Variants in BMPR1B observed in about 807,000 individuals in gnomAD.
The protein encoded by BMPR1B is bone morphogenetic protein receptor type 1B, also known as bone morphogenetic protein receptor type-1B.
In BMPR1B, 12 loss-of-function variants were observed where a neutral mutation model predicts 59.1. The observed-to-expected ratio is 0.20, with a 90% confidence interval of 0.13 to 0.33. The LOEUF (loss-of-function observed/expected upper bound fraction) is 0.33. BMPR1B is among the 10% of genes least tolerant of loss of function. The probability of loss-of-function intolerance (pLI) is 1.00; values close to 1 mark genes in which losing one functional copy is unlikely to be tolerated. For synonymous variants in BMPR1B, 237 were observed against 207.3 expected, an observed-to-expected ratio of 1.14 and a Z score of -1.23; for missense variants, 550 against 610.9, an observed-to-expected ratio of 0.90 and a Z score of 1.05.
chr4:94,853,478 T>C (rs1016471419), intron 1 of BMPR1B, among the ~76,000 whole-genome samples: 38 of 152,296 alleles, frequency 2.5e-4, no homozygotes, highest in Non-Finnish European at 1.0e-4. Flanking sequence ...ATTCTCTCCA[T>C]GAGGATAATA....
intron 3 of BMPR1B, among the ~76,000 whole-genome samples, chr4:95,071,446 T>G (rs1728265993): frequency 6.6e-6 from 1 of 151,914 alleles, no homozygotes; most frequent in Non-Finnish European, 1.5e-5. Context: ...GGATGAAATC[T>G]TTGACTTATT....
At chr4:95,151,416 G>A (rs1368490846) in intron 11 of BMPR1B, among the ~76,000 whole-genome samples, 2 of 152,184 alleles carry the variant, frequency 1.3e-5, no homozygotes, top group African/African-American at 4.8e-5. Context: ...TCCTGAGAAT[G>A]AGAAAGGGAG....
chr4:95,104,684 C>T (rs1045765948), intron 4 of BMPR1B, 117 bp downstream of exon 4: 42 of 1,277,104 alleles, frequency 3.3e-5, no homozygotes, highest in Admixed American at 3.2e-4. Context: ...CTAACACTAT[C>T]GTAAACTCTT....
intron 3 of BMPR1B, among the ~76,000 whole-genome samples, chr4:95,019,773 T>G (rs934734636): frequency 2.0e-5 from 3 of 152,100 alleles, no homozygotes; most frequent in African/African-American, 7.2e-5. Context: ...TAGGGCCAAT[T>G]TATAAGACTT....
At chr4:95,053,682 A>C (rs959383535) in intron 3 of BMPR1B, among the ~76,000 whole-genome samples, 1 of 152,168 alleles carries the variant, frequency 6.6e-6, no homozygotes, top group Non-Finnish European at 1.5e-5. Context: ...TGAACATCCA[A>C]CAGGTCATCT....
intron 3 of BMPR1B, among the ~76,000 whole-genome samples, chr4:95,045,665 G>T (rs1215079844): frequency 6.6e-6 from 1 of 152,088 alleles, no homozygotes; most frequent in Non-Finnish European, 1.5e-5. Context: ...CCCTCAGGCA[G>T]AATTAATCTT....
intron 1 of BMPR1B, among the ~76,000 whole-genome samples, chr4:94,849,828 T>A (rs10017163): frequency 0.41 from 61,735 of 150,712 alleles, 13,320 homozygotes; most frequent in African/African-American, 0.56. Flanking sequence ...GTGTTTTAGT[T>A]TCTGTGGGAA....
chr4:94,779,957 C>G (rs1397164497), intron 1 of BMPR1B, among the ~76,000 whole-genome samples: 1 of 151,814 alleles, frequency 6.6e-6, no homozygotes, highest in East Asian at 1.9e-4. Context: ...CGTAAAAGTT[C>G]CCCCCCTTCC....
At chr4:95,104,608 G>A in intron 4 of BMPR1B, 41 bp downstream of exon 4, 1 of 1,610,180 alleles carries the variant, frequency 6.2e-7, no homozygotes, top group Non-Finnish European at 8.5e-7. Context: ...TTAACAAAAA[G>A]TCACACTTTT....
At chr4:94,785,097 G>A (rs573135833) in intron 1 of BMPR1B, among the ~76,000 whole-genome samples, 5 of 152,286 alleles carry the variant, frequency 3.3e-5, no homozygotes, top group African/African-American at 1.2e-4. Flanking sequence ...TTTAGCCTCT[G>A]TGGAGATATG....
chr4:95,104,550 A>C lies in BMPR1B; in HGVS notation c.126A>C (p.Ser42=), dbSNP rs1367553770. ...CKCHHHCPED[S]VNNICSTDGY... ...GCCACCACCATTGTCCAGAAGACTC[A>C]GTCAACAATATTTGCAGGTTGGTGA... Residue 42 remains serine, a synonymous_variant, in exon 4 of 13, where the codon TCA becomes TCC. Coordinates refer to ENST00000515059, the MANE Select transcript of BMPR1B (RefSeq NM_001203.3). 6.2e-7 allele frequency: 1 copy of C among 1,613,464 alleles called. No individual in the cohort carries two copies. Among genetic ancestry groups the C allele is most frequent in the South Asian group, 1.1e-5 (1 of 91,066 alleles).
chr4:95,086,746 C>T (rs1173506728), intron 3 of BMPR1B, among the ~76,000 whole-genome samples: 1 of 151,784 alleles, frequency 6.6e-6, no homozygotes, highest in Non-Finnish European at 1.5e-5. Flanking sequence ...TTGTAATGCC[C>T]ACAAGAATGT....
intron 3 of BMPR1B, among the ~76,000 whole-genome samples, chr4:95,097,216 G>T (rs1730493828): frequency 6.7e-6 from 1 of 150,120 alleles, no homozygotes. Context: ...CTGTTTTAAA[G>T]ATCAGTTATT....
Position 94,978,578 on chromosome 4 carries a change from GC to G in BMPR1B, c.-112-17460del, listed in dbSNP as rs554519483. On this transcript the variant is annotated intron_variant, in intron 2 of 12. Transcript: ENST00000515059. ...GGTGTTGAATGAAATTTTATGACCT[GC>G]CTTTCACACACCAAACATTTATTGG... Among the ~76,000 whole-genome samples, 404 of 152,294 alleles carry G rather than the reference GC, an allele frequency of 2.7e-3. 4 individuals are homozygous for G. The highest frequency in any genetic ancestry group is 4.1e-3 in the Non-Finnish European group (277 of 68,018).
Position 94,974,835 on chromosome 4 carries a change from C to T in BMPR1B, c.-112-21205C>T, listed in dbSNP as rs1384881762. Among the ~76,000 whole-genome samples, 3 of 152,066 alleles carry T rather than the reference C, an allele frequency of 2.0e-5. No individual in the cohort carries two copies. The East Asian group carries it at 5.8e-4, about 29-fold the overall frequency. The stretch of plus-strand genomic sequence containing the variant: ...ATGCAGATAATTGCCTGATTCCCAC[C>T]ACTCTCCCAAACACACAAATAGACA... On this transcript the variant is annotated intron_variant, in intron 2 of 12. Coordinates refer to ENST00000515059, the MANE Select transcript of BMPR1B (RefSeq NM_001203.3).
At chr4:94,767,774 C>T (rs1427638522) in intron 1 of BMPR1B, among the ~76,000 whole-genome samples, 6 of 152,064 alleles carry the variant, frequency 3.9e-5, no homozygotes, top group African/African-American at 1.4e-4. Context: ...AGATTCACTC[C>T]TTGCTTCAGT....
chr4:95,134,013 G>C (rs1441000125), intron 10 of BMPR1B, among the ~76,000 whole-genome samples: 1 of 152,002 alleles, frequency 6.6e-6, no homozygotes, highest in African/African-American at 2.4e-5. Flanking sequence ...ATCTCCTAAT[G>C]CTATCCCTCC....
chr4:94,982,939 C>T (rs751964234), intron 2 of BMPR1B, among the ~76,000 whole-genome samples: 3 of 151,310 alleles, frequency 2.0e-5, no homozygotes, highest in Non-Finnish European at 4.4e-5. Context: ...GAGAGGAGAT[C>T]GTGCCACTGC....
chr4:94,770,180 G>GGTTTTTTTTTTTTTTTTT (rs771544268), intron 1 of BMPR1B, among the ~76,000 whole-genome samples: 3 of 106,278 alleles, frequency 2.8e-5, no homozygotes, highest in African/African-American at 1.2e-4. Context: ...CTTCGTTTCT[G>GGTTTTTTTTTTTTTTTTT]TGTTTGTTTT....
Sources: gnomAD v4.1 joint callset for allele counts (sites outside exome capture counted in the v4.1 genomes callset) on GRCh38, gnomAD v4.1.1 for gene constraint, MANE v1.5 for transcripts, NCBI Gene and HGNC (gene_info 2026-07-23, HGNC 2026-07-21) for gene names.